The following A4GALT variants were observed in gnomAD, a reference collection of about 807,000 sequenced individuals.
A4GALT encodes the protein alpha 1,4-galactosyltransferase (P1PK blood group).
For synonymous variants in A4GALT, 257 were observed against 220.7 expected, an observed-to-expected ratio of 1.16 and a Z score of -1.46; for missense variants, 512 against 486.0, an observed-to-expected ratio of 1.05 and a Z score of -0.50.
intron 1 of A4GALT, among the ~76,000 whole-genome samples, chr22:42,699,166 C>G (rs1012759643): frequency 1.3e-5 from 2 of 151,992 alleles, no homozygotes; most frequent in African/African-American, 4.8e-5. Context: ...TCACTAAAAC[C>G]TCTTCCTACT....
Position 42,693,886 on chromosome 22 carries a change from G to C in A4GALT, c.66C>G (p.Thr22=). 1 of 1,610,196 alleles carries C rather than the reference G, an allele frequency of 6.2e-7. No homozygotes were observed. Among genetic ancestry groups the C allele is most frequent in the South Asian group, 1.1e-5 (1 of 90,360 alleles). The change falls in exon 3 of 3, where the codon ACC becomes ACG. Residue 22 remains threonine (T), a synonymous_variant. Transcript: ENST00000642412. ...LRGAPRQRVC[T]LFIIGFKFTF... is the part of the protein sequence containing the mutation. ...TGAACTTGAAGCCGATGATGAACAG[G>C]GTGCAGACCCGCTGCCTTGGGGCGC...
At chr22:42,711,424 A>C (rs1921683925) in intron 1 of A4GALT, among the ~76,000 whole-genome samples, 1 of 152,218 alleles carries the variant, frequency 6.6e-6, no homozygotes, top group African/African-American at 2.4e-5. Context: ...CTACAGATGA[A>C]TGACATTTGC....
rs571738812 is a variant in A4GALT, at chr22:42,699,109, A to T, written c.-187-3478T>A. 2.1e-4 allele frequency among the ~76,000 whole-genome samples: 32 copies of T among 150,368 alleles called. No homozygotes were observed. The South Asian group carries it at 3.2e-3, about 15-fold the overall frequency. ...TCCTTTACCTTCTTTTTTTTTTATG[A>T]GTCTTGCTCTGTCGCCCAGGCTGGA... On this transcript the variant is annotated intron_variant, in intron 1 of 2. Transcript: ENST00000642412.
intron 1 of A4GALT, among the ~76,000 whole-genome samples, chr22:42,703,057 C>CTG (rs71311456): frequency 0.11 from 14,275 of 133,782 alleles, 893 homozygotes; most frequent in Non-Finnish European, 0.12. Flanking sequence ...TGCTGCCCTG[C>CTG]TGTGTGTGTG....
intron 1 of A4GALT, among the ~76,000 whole-genome samples, chr22:42,703,506 G>A (rs571439821): frequency 3.3e-5 from 5 of 152,020 alleles, no homozygotes; most frequent in Non-Finnish European, 7.4e-5. Context: ...TACTGGCCTC[G>A]GCCTCCCAAA....
chr22:42,712,688 C>A (rs1163089528), intron 1 of A4GALT, among the ~76,000 whole-genome samples: 1 of 152,168 alleles, frequency 6.6e-6, no homozygotes, highest in Non-Finnish European at 1.5e-5. Context: ...GTGAGTGGAT[C>A]ACTTGAGGCC....
intron 1 of A4GALT, among the ~76,000 whole-genome samples, chr22:42,701,085 C>T (rs1931270186): frequency 2.0e-5 from 3 of 152,228 alleles, no homozygotes; most frequent in African/African-American, 7.2e-5. Context: ...CCACCCACCT[C>T]CACCCTTGCC....
intron 1 of A4GALT, among the ~76,000 whole-genome samples, chr22:42,702,753 G>A (rs1215140502): frequency 1.6e-5 from 2 of 128,358 alleles, no homozygotes; most frequent in East Asian, 1.9e-4. Flanking sequence ...CAAAGGGTCC[G>A]GAGCCTTCGT....
At chr22:42,696,479 G>C (rs1205826841) in intron 1 of A4GALT, among the ~76,000 whole-genome samples, 1 of 151,858 alleles carries the variant, frequency 6.6e-6, no homozygotes. Flanking sequence ...GACTCCCTTG[G>C]GGAGGTGACA....
In A4GALT at chr22:42,693,873, C is replaced by A. The variant is rs780487343; in HGVS notation, c.79G>T (p.Gly27Cys). The change falls in exon 3 of 3, where the codon GGC (glycine) becomes TGC (cysteine). Residue 27 changes from glycine (G) to cysteine (C), a missense_variant. Coordinates refer to ENST00000642412, the MANE Select transcript of A4GALT (RefSeq NM_017436.7). ...RQRVCTLFII[G>C]FKFTFFVSIM... The stretch of plus-strand genomic sequence containing the variant: ...GAGACGAAAAACGTGAACTTGAAGC[C>A]GATGATGAACAGGGTGCAGACCCGC... 6.2e-7 allele frequency: 1 copy of A among 1,610,550 alleles called. No individual in the cohort carries two copies. Among genetic ancestry groups the A allele is most frequent in the African/African-American group, 1.3e-5 (1 of 74,882 alleles).
At chr22:42,702,623 C>T (rs1195304726) in intron 1 of A4GALT, among the ~76,000 whole-genome samples, 16 of 152,318 alleles carry the variant, frequency 1.1e-4, no homozygotes, top group Admixed American at 1.3e-4. Context: ...AGGCGTGAGC[C>T]GCCGTGTCCG....
intron 1 of A4GALT, among the ~76,000 whole-genome samples, chr22:42,702,570 C>T (rs1026256641): frequency 6.6e-6 from 1 of 152,184 alleles, no homozygotes; most frequent in Non-Finnish European, 1.5e-5. Context: ...CTCCTGACCT[C>T]GGGTGATCCG....
At chr22:42,694,132 G>T (rs1930746171) in intron 2 of A4GALT, 135 bp from the exon 3 acceptor site, 1 of 630,846 alleles carries the variant, frequency 1.6e-6, no homozygotes, top group East Asian at 2.7e-5. Context: ...CAGGGGCCAA[G>T]GCTTGAACCC....
rs542885119 is a variant in A4GALT at position 42,694,138 on chromosome 22, A to G, written c.-46-141T>C. ...CTGGGCCCACAGGGGCCAAGGCTTG[A>G]ACCCCAGCCTGCTGGCTGCTCACCT... is the stretch of plus-strand genomic sequence containing the variant. On this transcript the variant is annotated intron_variant, in intron 2 of 2. Coordinates refer to ENST00000642412, the MANE Select transcript of A4GALT (RefSeq NM_017436.7). 2.7e-4 allele frequency: 166 copies of G among 623,506 alleles called. No individual in the cohort carries two copies. In the African/African-American group the frequency reaches 2.7e-3, roughly 10 times the overall value. The allele number at this position is 623,506 out of a possible 1,614,324, so 38.6% of individuals were successfully genotyped here.
chr22:42,692,788 C>T lies in A4GALT; in HGVS notation c.*102G>A. On this transcript the variant is annotated 3_prime_UTR_variant, in exon 3 of 3. Coordinates refer to ENST00000642412, the MANE Select transcript of A4GALT (RefSeq NM_017436.7). The surrounding 1 kb of genome is among the most constrained non-coding windows in gnomAD (Gnocchi z 4.6). The stretch of plus-strand genomic sequence containing the variant: ...TCAACAGCCTGCCTAAGCCCGGTGG[C>T]AGCTCGGGCCTCCCTCTCCCGGGCC... 1.4e-6 allele frequency: 2 copies of T among 1,409,762 alleles called. No individual in the cohort carries two copies. The highest frequency in any genetic ancestry group is 2.0e-6 in the Non-Finnish European group (2 of 1,021,058). 87.3% of individuals were successfully genotyped at this position (1,409,762 alleles called of 1,614,324 possible). A position where few individuals can be genotyped will look rare whatever the true frequency, so the allele number is the denominator to read the frequency against.
intron 1 of A4GALT, among the ~76,000 whole-genome samples, chr22:42,711,020 G>C (rs1921642706): frequency 7.8e-6 from 1 of 127,392 alleles, no homozygotes. Flanking sequence ...GCAGGACTCT[G>C]TCTCAAAAAA....
At chr22:42,698,825 G>T (rs900552519) in intron 1 of A4GALT, among the ~76,000 whole-genome samples, 12 of 152,118 alleles carry the variant, frequency 7.9e-5, no homozygotes, top group African/African-American at 2.7e-4. Flanking sequence ...GATAAAACAG[G>T]TTGCAGTAGA....
chr22:42,706,162 T>C lies in A4GALT; in HGVS notation c.-187-10531A>G, dbSNP rs1442363056. 1.6e-4 allele frequency among the ~76,000 whole-genome samples: 11 copies of C among 70,462 alleles called. 1 individual carries two copies. Among genetic ancestry groups the C allele is most frequent in the Non-Finnish European group, 3.7e-4 (9 of 24,448 alleles). The allele number at this position is 70,462 out of a possible 152,430, so 46.2% of individuals were successfully genotyped here. On this transcript the variant is annotated intron_variant, in intron 1 of 2. Coordinates refer to ENST00000642412, the MANE Select transcript of A4GALT (RefSeq NM_017436.7). The stretch of plus-strand genomic sequence containing the variant: ...CGAGGTCAGGAGATCGAGACCATCC[T>C]GGCTAACACGGTGAAACCCCGTCTC...
chr22:42,703,867 G>A (rs916034556), intron 1 of A4GALT, among the ~76,000 whole-genome samples: 2 of 152,290 alleles, frequency 1.3e-5, no homozygotes, highest in Middle Eastern at 3.4e-3. Flanking sequence ...AAACAGCACC[G>A]AGTACAGAAT....
Sources: allele counts gnomAD v4.1 joint callset (sites outside exome capture counted in the v4.1 genomes callset), GRCh38; gene constraint gnomAD v4.1.1; non-coding constraint Gnocchi (gnomAD v3.1); transcripts MANE v1.5; gene names NCBI Gene and HGNC (gene_info 2026-07-23, HGNC 2026-07-21).